RPL28: variants seen among roughly 807,000 people sequenced by gnomAD.
The protein encoded by RPL28 is ribosomal protein L28, also known as large ribosomal subunit protein eL28.
RPL28 carries 4 observed loss-of-function variants against 12.5 expected under a neutral mutation model. The ratio of observed to expected loss-of-function variants is 0.32; its 90% CI spans 0.16 to 0.73. The LOEUF (loss-of-function observed/expected upper bound fraction) is 0.73, where lower values mean the gene tolerates loss of function less well. RPL28 is among the 30% of genes least tolerant of loss of function. RPL28 has a pLI of 0.66. For missense variants in RPL28, 214 were observed against 197.7 expected (o/e 1.08, Z -0.49); for synonymous variants, 91 against 72.5 (o/e 1.26, Z -1.30).
In RPL28 at chr19:55,390,043, C is replaced by A. The variant is rs949064087; in HGVS notation, c.*1711C>A. ...CCCTGGCACCTGCTTCAGTTGTCCT[C>A]CACAGCACTGATTTGCAGCCCACAA... On this transcript the variant is annotated 3_prime_UTR_variant, in exon 5 of 5. Transcript: ENST00000344063. The A allele has an allele frequency of 9.3e-5, 92 of 985,442 alleles. No homozygotes were observed. In the Middle Eastern group the frequency reaches 2.1e-3, roughly 22 times the overall value. The allele number at this position is 985,442 out of a possible 1,614,324, so 61.0% of individuals were successfully genotyped here.
In RPL28 at chr19:55,386,318, C is replaced by T. The variant is rs374060173; in HGVS notation, c.-8-32C>T. 39 of 1,604,936 alleles carry T rather than the reference C, an allele frequency of 2.4e-5. No individual in the cohort carries two copies. The African/African-American group carries it at 2.7e-4, about 11-fold the overall frequency. On this transcript the variant is annotated intron_variant, in intron 1 of 4. Coordinates refer to ENST00000344063, the MANE Select transcript of RPL28 (RefSeq NM_000991.5). ...CTAACGCTGCTTTAGTTCTCTGTGT[C>T]TGACGCTTTCCCTGTGCCCGTTTCC... is the stretch of plus-strand genomic sequence containing the variant.
Position 55,387,504 on chromosome 19 carries a change from G to T in RPL28, c.206-426G>T, listed in dbSNP as rs1414357770. The T allele has an allele frequency of 1.3e-5, 19 of 1,448,620 alleles. No individual in the cohort carries two copies. In the African/African-American group the frequency reaches 1.9e-4, roughly 14 times the overall value. 89.7% of individuals were successfully genotyped at this position (1,448,620 alleles called of 1,614,324 possible). ...CCGAATACATGGGTGGCCCTTCCTA[G>T]ACTAAGGGACTGGCCTGAGTGAGGC... On this transcript the variant is annotated intron_variant, in intron 3 of 4. Coordinates refer to ENST00000344063, the MANE Select transcript of RPL28 (RefSeq NM_000991.5).
At chr19:55,401,832 G>C (rs544579193) in intron 4 of RPL28, 1 of 1,549,424 alleles carries the variant, frequency 6.5e-7, no homozygotes, top group Non-Finnish European at 8.8e-7. Context: ...CCACAAGAGG[G>C]TGGCCTCCGC....
In RPL28 at chr19:55,389,491, G is replaced by A. The variant is rs1308063784; in HGVS notation, c.*1159G>A. 1.7e-5 allele frequency: 17 copies of A among 985,320 alleles called. No homozygotes were observed. The highest frequency in any genetic ancestry group is 2.0e-5 in the Non-Finnish European group (17 of 829,954). The allele number at this position is 985,320 out of a possible 1,614,324, so 61.0% of individuals were successfully genotyped here. A position where few individuals can be genotyped will look rare whatever the true frequency, so the allele number is the denominator to read the frequency against. On this transcript the variant is annotated 3_prime_UTR_variant, in exon 5 of 5. Transcript: ENST00000344063. Reference sequence around the variant, plus strand: ...TGGTTCCTGCCATCCTGGGGTACCCGATTCAAAGAAGGACTCTGCTCCCTG... The same window carrying A: ...TGGTTCCTGCCATCCTGGGGTACCCAATTCAAAGAAGGACTCTGCTCCCTG...
exon 5 of RPL28, chr19:55,403,006 C>CCAGGAT (rs1569048763): frequency 1.8e-5 from 27 of 1,532,140 alleles, no homozygotes; most frequent in Admixed American, 5.9e-5. Flanking sequence ...TAGACCAGGA[C>CCAGGAT]GCCTCCACCT....
intron 3 of RPL28, 90 bp from the exon 4 acceptor site, chr19:55,387,840 T>G (rs914437903): frequency 1.3e-6 from 2 of 1,488,262 alleles, no homozygotes; most frequent in Non-Finnish European, 1.8e-6. Flanking sequence ...GCTGCTCAGC[T>G]TCTCAATGTG....
downstream of RPL28, among the ~76,000 whole-genome samples, chr19:55,395,686 G>T (rs766647390): frequency 2.8e-5 from 4 of 145,274 alleles, no homozygotes; most frequent in South Asian, 2.2e-4. Context: ...CTTGTGATCT[G>T]CCCACCTTGG....
chr19:55,391,367 G>A lies in RPL28; in HGVS notation c.*3035G>A. 8.2e-7 allele frequency: 1 copy of A among 1,217,364 alleles called. No homozygotes were observed. The highest frequency in any genetic ancestry group is 3.6e-5 in the South Asian group (1 of 27,846). 75.4% of individuals were successfully genotyped at this position (1,217,364 alleles called of 1,614,324 possible). A position where few individuals can be genotyped will look rare whatever the true frequency, so the allele number is the denominator to read the frequency against. ...AAGGCCATTTTGAGTGCCTTTCACA[G>A]CCCTGCATAAGGCAGGTGTCTCAGT... On this transcript the variant is annotated 3_prime_UTR_variant, in exon 5 of 5. Transcript: ENST00000344063.
intron 3 of RPL28, chr19:55,387,229 T>C: frequency 1.3e-6 from 2 of 1,499,662 alleles, no homozygotes; most frequent in South Asian, 2.4e-5. Flanking sequence ...CGGGGGTCTC[T>C]AATGGAGGAG....
At position 55,390,827 on chromosome 19, in the gene RPL28, C is replaced by T; in HGVS notation, c.*2495C>T. On this transcript the variant is annotated 3_prime_UTR_variant, in exon 5 of 5. Transcript: ENST00000344063. ...GTCTCAGCCCCACAGAGTTTGGAGTCCTCAGTGTGCTGAGCAAACGTGGAG... is the reference window on the plus strand; with the variant it reads ...GTCTCAGCCCCACAGAGTTTGGAGTTCTCAGTGTGCTGAGCAAACGTGGAG... 1.0e-6 allele frequency: 1 copy of T among 985,412 alleles called. No individual in the cohort carries two copies. Among genetic ancestry groups the T allele is most frequent in the Non-Finnish European group, 1.2e-6 (1 of 829,926 alleles). 61.0% of individuals were successfully genotyped at this position (985,412 alleles called of 1,614,324 possible).
In RPL28 at chr19:55,391,533, T is replaced by C; in HGVS notation, c.*3201T>C. ...CCCCACAGCAGCAGAGACTCGGGAC[T>C]GAGGCATCCTCTGTTCACAGGACAT... On this transcript the variant is annotated 3_prime_UTR_variant, in exon 5 of 5. Transcript: ENST00000344063. 6.7e-7 allele frequency: 1 copy of C among 1,503,128 alleles called. No homozygotes were observed. The highest frequency in any genetic ancestry group is 9.0e-7 in the Non-Finnish European group (1 of 1,113,390). 93.1% of individuals were successfully genotyped at this position (1,503,128 alleles called of 1,614,324 possible).
exon 5 of RPL28, chr19:55,402,992 A>G (rs1459906871): frequency 5.2e-6 from 8 of 1,534,786 alleles, no homozygotes; most frequent in Non-Finnish European, 7.0e-6. Context: ...CTGGAGCACC[A>G]GCCTAGACCA....
rs1374140821 is a variant in RPL28, at chr19:55,388,946, A to G, written c.*614A>G. ...AGGGTACAGCCAGCAGGCATTGAGC[A>G]GCCTTAGCATTGTCCCCCTACTCCC... On this transcript the variant is annotated 3_prime_UTR_variant, in exon 5 of 5. Coordinates refer to ENST00000344063, the MANE Select transcript of RPL28 (RefSeq NM_000991.5). 2 of 985,482 alleles carry G rather than the reference A, an allele frequency of 2.0e-6. No individual in the cohort carries two copies. The highest frequency in any genetic ancestry group is 2.4e-6 in the Non-Finnish European group (2 of 829,992). 61.0% of individuals were successfully genotyped at this position (985,482 alleles called of 1,614,324 possible). A position where few individuals can be genotyped will look rare whatever the true frequency, so the allele number is the denominator to read the frequency against.
intron 3 of RPL28, 125 bp from the exon 4 acceptor site, chr19:55,387,805 G>T (rs528661607): frequency 1.5e-4 from 220 of 1,470,052 alleles, no homozygotes; most frequent in Non-Finnish European, 1.9e-4. Flanking sequence ...CTGCTGGCCT[G>T]CCCAGGCACC....
Position 55,391,880 on chromosome 19 carries a change from C to T in RPL28, c.*3548C>T. On this transcript the variant is annotated 3_prime_UTR_variant, in exon 5 of 5. Coordinates refer to ENST00000344063, the MANE Select transcript of RPL28 (RefSeq NM_000991.5). ...AAGCACCTGGAAGACATGCCAGATC[C>T]ATGTGCAGTAATGCCTGGTGGCTCC... The T allele has an allele frequency of 7.3e-7, 1 of 1,367,768 alleles. No individual in the cohort carries two copies. The highest frequency in any genetic ancestry group is 9.5e-7 in the Non-Finnish European group (1 of 1,054,676). The allele number at this position is 1,367,768 out of a possible 1,614,324, so 84.7% of individuals were successfully genotyped here.
downstream of RPL28, among the ~76,000 whole-genome samples, chr19:55,393,631 G>GTTTTT (rs890657595): frequency 2.3e-4 from 26 of 114,622 alleles, no homozygotes; most frequent in African/African-American, 7.8e-4. Context: ...TCACCAATTT[G>GTTTTT]TTTTTTTTTT....
downstream of RPL28, among the ~76,000 whole-genome samples, chr19:55,395,079 A>G (rs1161662235): frequency 2.0e-5 from 3 of 152,060 alleles, no homozygotes; most frequent in Non-Finnish European, 4.4e-5. Flanking sequence ...AAGGAAGGAG[A>G]GTTGGAATAC....
chr19:55,395,066 C>G (rs1218088358), downstream of RPL28, among the ~76,000 whole-genome samples: 1 of 152,156 alleles, frequency 6.6e-6, no homozygotes, highest in Non-Finnish European at 1.5e-5. Context: ...AAACATTTGT[C>G]TCAAGGAAGG....
chr19:55,397,121 C>T (rs1449893047), intron 4 of RPL28, among the ~76,000 whole-genome samples: 1 of 152,078 alleles, frequency 6.6e-6, no homozygotes, highest in East Asian at 1.9e-4. Context: ...CTCAAGCCAT[C>T]TGCCTGCCTC....
Sources: gnomAD v4.1 joint callset for allele counts (sites outside exome capture counted in the v4.1 genomes callset) on GRCh38, gnomAD v4.1.1 for gene constraint, MANE v1.5 for transcripts, NCBI Gene and HGNC (gene_info 2026-07-23, HGNC 2026-07-21) for gene names.